MYO16: variants seen among roughly 807,000 people sequenced by gnomAD.
MYO16 encodes unconventional myosin-XVI.
A neutral mutation model predicts 205.3 loss-of-function variants in MYO16; 94 were observed. The ratio of observed to expected loss-of-function variants is 0.46; its 90% CI spans 0.39 to 0.54. MYO16 has a LOEUF of 0.54. Among genes scored for constraint, MYO16 ranks in the 20% least tolerant of loss-of-function variants. The pLI is 0.00. For synonymous variants in MYO16, 988 were observed against 954.0 expected, an observed-to-expected ratio of 1.04 and a Z score of -0.66; for missense variants, 2,315 against 2,387.5, an observed-to-expected ratio of 0.97 and a Z score of 0.63.
chr13:108,842,449 A>G (rs1877295513), intron 9 of MYO16, among the ~76,000 whole-genome samples: 1 of 152,174 alleles, frequency 6.6e-6, no homozygotes, highest in African/African-American at 2.4e-5. Flanking sequence ...ATATGAGCAA[A>G]GAACCTGAAC....
chr13:108,760,583 T>G (rs780087849), intron 4 of MYO16, among the ~76,000 whole-genome samples: 1 of 152,196 alleles, frequency 6.6e-6, no homozygotes, highest in African/African-American at 2.4e-5. Flanking sequence ...ACCTGACATA[T>G]AATCTTTGAA....
intron 16 of MYO16, among the ~76,000 whole-genome samples, chr13:108,938,014 C>A (rs1882566712): frequency 6.6e-6 from 1 of 152,130 alleles, no homozygotes; most frequent in Admixed American, 6.6e-5. Context: ...ATTGGCACTT[C>A]TAATTTTTGT....
At position 109,166,228 on chromosome 13, in the gene MYO16, A is replaced by C. The variant is rs1392166299; in HGVS notation, c.5323+1169A>C. ...TACTCAGCCCCCCACGAAATAAAACAACGAGAATTTCAGCAGAAATAGGAA... is the reference window on the plus strand; with the variant it reads ...TACTCAGCCCCCCACGAAATAAAACCACGAGAATTTCAGCAGAAATAGGAA... On this transcript the variant is annotated intron_variant, in intron 33 of 34. Coordinates refer to ENST00000457511, the MANE Select transcript of MYO16 (RefSeq NM_001198950.3). Among the ~76,000 whole-genome samples, 4 of 152,220 alleles carry C rather than the reference A, an allele frequency of 2.6e-5. No individual in the cohort carries two copies. In the East Asian group the frequency reaches 7.7e-4, roughly 29 times the overall value.
At chr13:108,495,946 TGCGCGCGGTCCAA>T in the MYO16 span, among the ~76,000 whole-genome samples, 1 of 151,836 alleles carries the variant, frequency 6.6e-6, no homozygotes, top group Admixed American at 6.5e-5. Context: ...GGCGGGGCGC[TGCGCGCGGTCCAA>T]GCGCGGGGAA....
intron 4 of MYO16, among the ~76,000 whole-genome samples, chr13:108,752,505 C>T (rs192369999): frequency 6.6e-4 from 100 of 152,336 alleles, no homozygotes; most frequent in Non-Finnish European, 1.1e-3. Flanking sequence ...AGTCATTCGT[C>T]ACTGGCAGAA....
intron 23 of MYO16, among the ~76,000 whole-genome samples, chr13:109,030,304 A>C (rs1321357793): frequency 6.6e-6 from 1 of 152,188 alleles, no homozygotes; most frequent in Non-Finnish European, 1.5e-5. Flanking sequence ...AGCAAACCTC[A>C]GATAGAAAGC....
chr13:108,860,071 C>T lies in MYO16; in HGVS notation c.1359+4518C>T, dbSNP rs544240564. Among the ~76,000 whole-genome samples, 3 of 151,806 alleles carry T rather than the reference C, an allele frequency of 2.0e-5. No individual in the cohort carries two copies. The East Asian group carries it at 5.8e-4, about 30-fold the overall frequency. On this transcript the variant is annotated intron_variant, in intron 11 of 34. Coordinates refer to ENST00000457511, the MANE Select transcript of MYO16 (RefSeq NM_001198950.3). ...TAAAGGTTTGTTATACAGGTAAACACGTGTCATAGAGGTTTGTTGTACAGA... is the reference window on the plus strand; with the variant it reads ...TAAAGGTTTGTTATACAGGTAAACATGTGTCATAGAGGTTTGTTGTACAGA...
chr13:109,042,955 G>C (rs901272179), intron 23 of MYO16, among the ~76,000 whole-genome samples: 10 of 152,124 alleles, frequency 6.6e-5, no homozygotes, highest in African/African-American at 2.4e-4. Flanking sequence ...ATTTTCCCAG[G>C]TAACAGTGAA....
chr13:108,680,118 G>C (rs1882400675), intron 2 of MYO16, among the ~76,000 whole-genome samples: 1 of 152,114 alleles, frequency 6.6e-6, no homozygotes, highest in Non-Finnish European at 1.5e-5. Flanking sequence ...GCCTGGAGCT[G>C]CTCCAATCCC....
chr13:109,072,574 AAC>A (rs66755145), intron 27 of MYO16, among the ~76,000 whole-genome samples: 4,860 of 149,034 alleles, frequency 0.033, 104 homozygotes, highest in Non-Finnish European at 0.04. Flanking sequence ...TGTGGCATTA[AAC>A]ACACACACAC....
At chr13:108,808,397 C>T (rs560490049) in intron 7 of MYO16, among the ~76,000 whole-genome samples, 11 of 151,798 alleles carry the variant, frequency 7.2e-5, no homozygotes, top group East Asian at 5.8e-4. Flanking sequence ...CTGCAACCTC[C>T]GCCTCCTGAG....
chr13:108,823,840 CATAAG>C (rs1876114817), intron 9 of MYO16, among the ~76,000 whole-genome samples: 1 of 152,062 alleles, frequency 6.6e-6, no homozygotes, highest in Non-Finnish European at 1.5e-5. Flanking sequence ...TCATTTAACT[CATAAG>C]ATAATGCTTA....
chr13:108,645,915 A>T (rs981164830), intron 1 of MYO16, among the ~76,000 whole-genome samples: 7 of 152,194 alleles, frequency 4.6e-5, no homozygotes, highest in Non-Finnish European at 2.9e-5. Context: ...TGAACAGAGC[A>T]TAAGTAGTCC....
chr13:108,519,649 C>CACACACACACACACACACACA, the MYO16 span, among the ~76,000 whole-genome samples: 22 of 118,588 alleles, frequency 1.9e-4, no homozygotes, highest in African/African-American at 5.7e-4. Context: ...ACACACACAC[C>CACACACACACACACACACACA]CACACACACA....
At chr13:108,852,488 A>G (rs1221800192) in intron 10 of MYO16, among the ~76,000 whole-genome samples, 3 of 152,236 alleles carry the variant, frequency 2.0e-5, no homozygotes, top group Non-Finnish European at 4.4e-5. Context: ...CATCCTTTAA[A>G]TAAGGATGCT....
intron 23 of MYO16, among the ~76,000 whole-genome samples, chr13:109,026,660 G>A (rs13379033): frequency 0.017 from 2,572 of 152,214 alleles, 75 homozygotes; most frequent in African/African-American, 0.059. Context: ...CATTTGATTC[G>A]TTTTTAAGTG....
At chr13:108,813,301 T>C (rs61968847) in intron 7 of MYO16, among the ~76,000 whole-genome samples, 2,309 of 152,306 alleles carry the variant, frequency 0.015, 31 homozygotes, top group South Asian at 0.047. Flanking sequence ...ATAGTTCACA[T>C]GGTTCTCAGA....
rs141384945 is a variant in MYO16, at chr13:108,942,366, C to T, written c.1926-15322C>T. On this transcript the variant is annotated intron_variant, in intron 16 of 34. Coordinates refer to ENST00000457511, the MANE Select transcript of MYO16 (RefSeq NM_001198950.3). ...TGAAGAATTCCCAAGATCATAAAGC[C>T]CCTTAGAAAATGTGCTGATGAGAGT... Among the ~76,000 whole-genome samples the T allele has an allele frequency of 6.4e-3, 972 of 152,116 alleles. 6 individuals are homozygous for T. The highest frequency in any genetic ancestry group is 0.01 in the Non-Finnish European group (704 of 67,984).
Position 108,971,927 on chromosome 13 carries a change from G to A in MYO16, c.2369+7025G>A, listed in dbSNP as rs184691899. Reference sequence around the variant, plus strand: ...AATGATAATAGTGATGGGGCTAGGCGTGGTGGCTCATGCCTGTAATCCCAG... The same window carrying A: ...AATGATAATAGTGATGGGGCTAGGCATGGTGGCTCATGCCTGTAATCCCAG... On this transcript the variant is annotated intron_variant, in intron 20 of 34. Transcript: ENST00000457511. Among the ~76,000 whole-genome samples the A allele has an allele frequency of 3.0e-3, 463 of 151,824 alleles. 4 individuals carry two copies. The highest frequency in any genetic ancestry group is 0.024 in the Admixed American group (360 of 15,228).
Sources: allele counts gnomAD v4.1 joint callset (sites outside exome capture counted in the v4.1 genomes callset), GRCh38; gene constraint gnomAD v4.1.1; transcripts MANE v1.5; gene names NCBI Gene and HGNC (gene_info 2026-07-23, HGNC 2026-07-21).